SH3D19: variants seen among roughly 807,000 people sequenced by gnomAD.
SH3D19 encodes the protein SH3 domain-containing protein 19.
Under a neutral mutation model 112.1 loss-of-function variants are expected in SH3D19, and 58 were observed. The observed-to-expected ratio is 0.52, with a 90% confidence interval of 0.42 to 0.64. SH3D19 has a LOEUF of 0.64. Ranked by LOEUF, SH3D19 falls within the 30% of genes least tolerant of loss-of-function variation. The pLI, the probability that SH3D19 is intolerant of heterozygous loss-of-function variation, is 0.00. For synonymous variants in SH3D19, 391 were observed against 448.5 expected (o/e 0.87, Z 1.62); for missense variants, 1,090 against 1,263.4 (o/e 0.86, Z 2.08).
intron 2 of SH3D19, among the ~76,000 whole-genome samples, chr4:151,197,085 G>A (rs1414172830): frequency 6.6e-6 from 1 of 152,142 alleles, no homozygotes; most frequent in East Asian, 1.9e-4. Flanking sequence ...AAAACAGTGT[G>A]GAGATTCCTT....
chr4:151,162,418 T>A (rs551607882), intron 8 of SH3D19, among the ~76,000 whole-genome samples: 86 of 152,254 alleles, frequency 5.6e-4, no homozygotes, highest in Admixed American at 5.4e-3. Context: ...CTCGAACTCC[T>A]AGAATTCAAT....
At chr4:151,322,316 C>T (rs537877872) in intron 1 of SH3D19, among the ~76,000 whole-genome samples, 1 of 151,592 alleles carries the variant, frequency 6.6e-6, no homozygotes, top group Non-Finnish European at 1.5e-5. Flanking sequence ...ACTTGTAATC[C>T]CAGCCACTCT....
intron 15 of SH3D19, among the ~76,000 whole-genome samples, chr4:151,134,182 T>C (rs1348333033): frequency 6.6e-6 from 1 of 152,212 alleles, no homozygotes; most frequent in Non-Finnish European, 1.5e-5. Context: ...GATCAGAAGT[T>C]TTCTTATTTG....
At chr4:151,306,272 C>T (rs191222423) in intron 1 of SH3D19, among the ~76,000 whole-genome samples, 2 of 152,234 alleles carry the variant, frequency 1.3e-5, no homozygotes, top group African/African-American at 2.4e-5. Flanking sequence ...GCCAATTTTA[C>T]TGTATGTACA....
intron 1 of SH3D19, chr4:151,262,592 A>C (rs1460269374): frequency 6.6e-6 from 1 of 152,272 alleles, no homozygotes; most frequent in Non-Finnish European, 1.5e-5. Context: ...GTGTCTGGAC[A>C]GGCCTAACTG....
At chr4:151,220,747 G>T (rs901808941) in intron 2 of SH3D19, among the ~76,000 whole-genome samples, 3 of 152,166 alleles carry the variant, frequency 2.0e-5, no homozygotes, top group Non-Finnish European at 4.4e-5. Context: ...CTCTCACTTG[G>T]AGTTTTATAA....
chr4:151,243,717 G>A (rs573364547), intron 1 of SH3D19, among the ~76,000 whole-genome samples: 12 of 152,268 alleles, frequency 7.9e-5, no homozygotes, highest in African/African-American at 2.6e-4. Flanking sequence ...GGGCTATACC[G>A]TAAGTCAAAG....
intron 7 of SH3D19, among the ~76,000 whole-genome samples, chr4:151,170,287 A>T (rs1189170112): frequency 6.6e-6 from 1 of 152,204 alleles, no homozygotes; most frequent in Non-Finnish European, 1.5e-5. Context: ...ATCCAATAAA[A>T]TAAATTCAAT....
At chr4:151,283,697 A>G (rs1342419271) in intron 1 of SH3D19, among the ~76,000 whole-genome samples, 1 of 151,304 alleles carries the variant, frequency 6.6e-6, no homozygotes, top group Non-Finnish European at 1.5e-5. Context: ...TACTTTTTTC[A>G]TTTTTTTGTA....
rs1579987335 is a variant in SH3D19, at chr4:151,179,379, T to C, written c.212A>G (p.Gln71Arg). The C allele has an allele frequency of 1.1e-5, 13 of 1,229,888 alleles. No individual in the cohort carries two copies. The East Asian group carries it at 4.1e-4, about 39-fold the overall frequency. The allele number at this position is 1,229,888 out of a possible 1,614,324, so 76.2% of individuals were successfully genotyped here. Residue 71 changes from glutamine (Q) to arginine (R), a missense_variant, in exon 4 of 20, where the codon CAG becomes CGG. By Grantham distance (43) the Gln-to-Arg change is conservative. Transcript: ENST00000604030. ...VIKRSSRTSI[Q>R]SELHRDRRRP... ...CCTTCTATCTCGATGAAGTTCACTCTGAATAGAAGTCCGAGAAGCTGTTGA... is the reference window on the plus strand; with the variant it reads ...CCTTCTATCTCGATGAAGTTCACTCCGAATAGAAGTCCGAGAAGCTGTTGA...
At chr4:151,131,369 G>T (rs529399400) in intron 17 of SH3D19, among the ~76,000 whole-genome samples, 2 of 151,364 alleles carry the variant, frequency 1.3e-5, no homozygotes, top group African/African-American at 4.9e-5. Flanking sequence ...TTTGTTAACT[G>T]AATAGGTTAA....
At chr4:151,219,930 C>A (rs896865307) in intron 2 of SH3D19, among the ~76,000 whole-genome samples, 1 of 152,096 alleles carries the variant, frequency 6.6e-6, no homozygotes, top group Non-Finnish European at 1.5e-5. Context: ...TACTTCATTT[C>A]TTTAGATTTT....
At chr4:151,249,208 G>A (rs540920713) in intron 1 of SH3D19, among the ~76,000 whole-genome samples, 1 of 152,120 alleles carries the variant, frequency 6.6e-6, no homozygotes, top group African/African-American at 2.4e-5. Flanking sequence ...CTTCATGTTA[G>A]GTATATATTG....
chr4:151,235,076 T>C (rs1214174842), intron 1 of SH3D19, among the ~76,000 whole-genome samples: 2 of 152,006 alleles, frequency 1.3e-5, no homozygotes, highest in African/African-American at 4.8e-5. Flanking sequence ...GGTTCAGGGG[T>C]GCATGCGCAG....
At chr4:151,186,323 T>C (rs1452732934) in intron 3 of SH3D19, among the ~76,000 whole-genome samples, 1 of 152,218 alleles carries the variant, frequency 6.6e-6, no homozygotes, top group African/African-American at 2.4e-5. Flanking sequence ...AGCACTTCTA[T>C]CTTGATATGG....
chr4:151,304,539 T>C (rs1157674994), intron 1 of SH3D19, among the ~76,000 whole-genome samples: 1 of 152,212 alleles, frequency 6.6e-6, no homozygotes, highest in Non-Finnish European at 1.5e-5. Flanking sequence ...GACTTTCTTT[T>C]ACCTTACCTA....
At chr4:151,285,294 C>A (rs969784482) in intron 1 of SH3D19, among the ~76,000 whole-genome samples, 2 of 152,064 alleles carry the variant, frequency 1.3e-5, no homozygotes, top group African/African-American at 2.4e-5. Context: ...CTAAGAAGAG[C>A]GGAATATACT....
intron 1 of SH3D19, among the ~76,000 whole-genome samples, chr4:151,289,981 G>A (rs1028524076): frequency 1.3e-5 from 2 of 152,126 alleles, no homozygotes; most frequent in Non-Finnish European, 2.9e-5. Context: ...TAGAAACAGG[G>A]TCTTGCTCTG....
intron 19 of SH3D19, among the ~76,000 whole-genome samples, chr4:151,123,939 T>C (rs749155241): frequency 9.2e-5 from 14 of 152,178 alleles, no homozygotes; most frequent in Non-Finnish European, 1.9e-4. Flanking sequence ...CAATCAGATG[T>C]TATTAATTTA....
Sources: gnomAD v4.1 joint callset for allele counts (sites outside exome capture counted in the v4.1 genomes callset) on GRCh38, gnomAD v4.1.1 for gene constraint, MANE v1.5 for transcripts, NCBI Gene and HGNC (gene_info 2026-07-23, HGNC 2026-07-21) for gene names.